Variants in NFXL1 observed in about 807,000 individuals in gnomAD.
NFXL1 encodes NF-X1-type zinc finger protein NFXL1.
In NFXL1, 66 loss-of-function variants were observed where a neutral mutation model predicts 123.3. The observed-to-expected ratio is 0.54, with a 90% CI of 0.44 to 0.66. The LOEUF (loss-of-function observed/expected upper bound fraction) is 0.66, where lower values mean the gene tolerates loss of function less well. Ranked by LOEUF, NFXL1 falls within the 30% of genes least tolerant of loss-of-function variation. NFXL1 has a pLI of 0.00. For missense variants in NFXL1, 944 were observed against 1,125.6 expected (o/e 0.84, Z 2.31); for synonymous variants, 346 against 360.8 (o/e 0.96, Z 0.46).
chr4:47,885,021 G>A (rs1736340094), intron 14 of NFXL1, among the ~76,000 whole-genome samples: 2 of 151,774 alleles, frequency 1.3e-5, no homozygotes, highest in Admixed American at 1.3e-4. Context: ...CAGCTACTCA[G>A]GAGGCTAAGG....
intron 4 of NFXL1, among the ~76,000 whole-genome samples, chr4:47,904,962 G>A (rs373672509): frequency 5.3e-4 from 80 of 152,186 alleles, no homozygotes; most frequent in African/African-American, 1.9e-3. Context: ...AATCTCTAAA[G>A]TACAGATGCT....
Position 47,848,131 on chromosome 4 carries a change from A to G in NFXL1, c.*32T>C, listed in dbSNP as rs754622220. On this transcript the variant is annotated 3_prime_UTR_variant, in exon 23 of 23. Coordinates refer to ENST00000507489, the MANE Select transcript of NFXL1 (RefSeq NM_001278624.2). ...AAATTTAACAACTTATCTAAATCCA[A>G]TCTGAGTTACATTAAAAGATCAAAA... 7.1e-6 allele frequency: 10 copies of G among 1,411,056 alleles called. No homozygotes were observed. Among genetic ancestry groups the G allele is most frequent in the Non-Finnish European group, 8.7e-6 (9 of 1,030,414 alleles). 87.4% of individuals were successfully genotyped at this position (1,411,056 alleles called of 1,614,324 possible).
intron 22 of NFXL1, 161 bp downstream of exon 22, chr4:47,850,932 TAA>T (rs1734080629): frequency 3.5e-6 from 2 of 575,498 alleles, no homozygotes; most frequent in Middle Eastern, 7.1e-4. Context: ...TCAGTATACT[TAA>T]AGTCAAGTTA....
At chr4:47,881,855 C>G (rs1271891969) in intron 15 of NFXL1, among the ~76,000 whole-genome samples, 3 of 152,028 alleles carry the variant, frequency 2.0e-5, no homozygotes, top group Non-Finnish European at 2.9e-5. Flanking sequence ...TAAAAAGATA[C>G]ATGGTTGCTA....
chr4:47,897,982 G>C lies in NFXL1; in HGVS notation c.1189C>G (p.Pro397Ala). The C allele has an allele frequency of 1.2e-6, 2 of 1,605,662 alleles. No homozygotes were observed. The highest frequency in any genetic ancestry group is 8.5e-7 in the Non-Finnish European group (1 of 1,175,258). Residue 397 changes from proline to alanine, a missense_variant, in exon 9 of 23, where the codon CCA (proline) becomes GCA (alanine). Physicochemically the swap from Pro to Ala is conservative, Grantham distance 27 (BLOSUM62 -1). Around this residue, in one of 4 missense-constraint regions of NFXL1, gnomAD observed 296 missense variants for 395.1 expected, o/e 0.75. Transcript: ENST00000507489. ...ECPRSGKRFC[P>A]CQKSKFSLPC... ...CAAGTCTTACTTGATTTCTGACATGGACAGAACCTTTTCCCAGATCGAGGA... is the reference window on the plus strand; with the variant it reads ...CAAGTCTTACTTGATTTCTGACATGCACAGAACCTTTTCCCAGATCGAGGA...
chr4:47,900,861 T>A (rs1205853155), intron 5 of NFXL1, among the ~76,000 whole-genome samples: 1 of 152,240 alleles, frequency 6.6e-6, no homozygotes, highest in Non-Finnish European at 1.5e-5. Context: ...TTTGTTCTTG[T>A]AATGAAAAAT....
At chr4:47,894,909 G>A (rs10938505) in intron 10 of NFXL1, among the ~76,000 whole-genome samples, 53,035 of 151,974 alleles carry the variant, frequency 0.35, 9,691 homozygotes, top group East Asian at 0.59. Flanking sequence ...CACTATCTAC[G>A]GCAGCTACAG....
intron 14 of NFXL1, among the ~76,000 whole-genome samples, chr4:47,885,136 A>AAC (rs1436157079): frequency 6.6e-6 from 1 of 151,426 alleles, no homozygotes; most frequent in East Asian, 1.9e-4. Flanking sequence ...AAAAAAAAAA[A>AAC]AATTAAATAA....
chr4:47,852,494 CAGAT>C (rs907675893), intron 20 of NFXL1, among the ~76,000 whole-genome samples: 6 of 152,238 alleles, frequency 3.9e-5, no homozygotes, highest in African/African-American at 9.6e-5. Flanking sequence ...GCTACCATCT[CAGAT>C]AGTGCAGCTC....
rs761377190 is a variant in NFXL1, at chr4:47,851,183, T to C, written c.2509-35A>G. The C allele has an allele frequency of 6.1e-6, 9 of 1,478,770 alleles. No individual in the cohort carries two copies. The South Asian group carries it at 8.0e-5, about 13-fold the overall frequency. The allele number at this position is 1,478,770 out of a possible 1,614,324, so 91.6% of individuals were successfully genotyped here. ...CACATACAAAAGTCAATTTACAATT[T>C]AGTCATCACATTTTATATGGAATTT... On this transcript the variant is annotated intron_variant, in intron 21 of 22. Transcript: ENST00000507489.
chr4:47,877,312 A>G (rs1250987043), intron 17 of NFXL1: 2 of 374,458 alleles, frequency 5.3e-6, no homozygotes, highest in African/African-American at 2.1e-5. Context: ...ATCAAGTTCT[A>G]TCTTCTAGGA....
chr4:47,912,717 CAAAGTGCTGGGATTACAGGCTTGA>C (rs1238050846), intron 2 of NFXL1, among the ~76,000 whole-genome samples: 3 of 148,020 alleles, frequency 2.0e-5, no homozygotes, highest in Non-Finnish European at 4.5e-5. Flanking sequence ...CTCGGCCTCC[CAAAGTGCTGGGATTACAGGCTTGA>C]GCCACCGCGC....
intron 19 of NFXL1, among the ~76,000 whole-genome samples, chr4:47,859,875 CAAACA>C (rs1734652917): frequency 1.7e-5 from 1 of 59,412 alleles, no homozygotes; most frequent in Admixed American, 1.9e-4. Context: ...AAAAAACAAA[CAAACA>C]AAAAAAGTAG....
At chr4:47,865,468 T>C (rs1365728688) in intron 18 of NFXL1, among the ~76,000 whole-genome samples, 1 of 128,030 alleles carries the variant, frequency 7.8e-6, no homozygotes, top group Non-Finnish European at 1.6e-5. Flanking sequence ...TTCTACAAAC[T>C]TCAAATTACC....
intron 15 of NFXL1, chr4:47,882,277 A>T (rs957464543): frequency 6.6e-6 from 1 of 152,262 alleles, no homozygotes; most frequent in Non-Finnish European, 1.5e-5. Flanking sequence ...AAATGTCAAA[A>T]GAGTTCTCCT....
At chr4:47,867,657 A>G (rs1735183102) in intron 18 of NFXL1, among the ~76,000 whole-genome samples, 1 of 151,752 alleles carries the variant, frequency 6.6e-6, no homozygotes, top group Admixed American at 6.6e-5. Flanking sequence ...GAGGAGGAGG[A>G]GGGAAGTGAA....
chr4:47,908,510 TACTA>T (rs10530792), intron 3 of NFXL1, among the ~76,000 whole-genome samples: 111,265 of 151,612 alleles, frequency 0.73, 41,062 homozygotes, highest in South Asian at 0.76. Context: ...GATTCTGTCA[TACTA>T]ACTAACAGGC....
At chr4:47,898,164 A>T in intron 8 of NFXL1, 83 bp from the exon 9 acceptor site, 1 of 748,592 alleles carries the variant, frequency 1.3e-6, no homozygotes, top group South Asian at 1.9e-5. Flanking sequence ...TCCATTTTTC[A>T]ATCACAAATA....
At chr4:47,901,714 C>A (rs1031075699) in intron 5 of NFXL1, among the ~76,000 whole-genome samples, 3 of 152,116 alleles carry the variant, frequency 2.0e-5, no homozygotes, top group African/African-American at 7.2e-5. Context: ...AGTAAGAAAT[C>A]CTAGGTTTCA....
Sources: gnomAD v4.1 joint callset for allele counts (sites outside exome capture counted in the v4.1 genomes callset) on GRCh38, gnomAD v4.1.1 for gene constraint, gnomAD v4.1.1 regional missense constraint, MANE v1.5 for transcripts, NCBI Gene and HGNC (gene_info 2026-07-23, HGNC 2026-07-21) for gene names.